The following KCNT2 variants were observed in gnomAD, a reference collection of about 807,000 sequenced individuals.
The protein encoded by KCNT2 is potassium channel subfamily T member 2.
KCNT2 carries 67 observed loss-of-function variants against 153.8 expected under a neutral mutation model. The ratio of observed to expected loss-of-function variants is 0.44; its 90% CI spans 0.36 to 0.53. The LOEUF is 0.53. KCNT2 is among the 20% of genes least tolerant of loss of function. KCNT2 has a pLI of 0.00. For synonymous variants in KCNT2, 500 were observed against 458.8 expected, an observed-to-expected ratio of 1.09 and a Z score of -1.15; for missense variants, 975 against 1,354.8, an observed-to-expected ratio of 0.72 and a Z score of 4.40.
intron 5 of KCNT2, among the ~76,000 whole-genome samples, chr1:196,476,493 C>T (rs565002428): frequency 1.3e-4 from 20 of 152,128 alleles, no homozygotes; most frequent in African/African-American, 4.6e-4. Flanking sequence ...TTAAAAGACC[C>T]TTCTTCATTA....
intron 14 of KCNT2, among the ~76,000 whole-genome samples, chr1:196,365,583 CTATT>C (rs776487706): frequency 1.3e-5 from 2 of 152,090 alleles, no homozygotes; most frequent in African/African-American, 2.4e-5. Flanking sequence ...ATCCTGTTAT[CTATT>C]TGTTTGTTAA....
chr1:196,238,223 C>T (rs1228176241), intron 26 of KCNT2, among the ~76,000 whole-genome samples: 1 of 151,886 alleles, frequency 6.6e-6, no homozygotes, highest in Non-Finnish European at 1.5e-5. Context: ...GTTCTAGAAT[C>T]AAGCCAAATT....
intron 8 of KCNT2, among the ~76,000 whole-genome samples, chr1:196,457,037 G>C (rs1364388261): frequency 2.0e-5 from 3 of 151,760 alleles, no homozygotes; most frequent in Non-Finnish European, 4.4e-5. Flanking sequence ...CAAAAAGTGA[G>C]CTATTTTCCA....
At chr1:196,327,664 T>G (rs1266267363) in intron 18 of KCNT2, among the ~76,000 whole-genome samples, 4 of 146,798 alleles carry the variant, frequency 2.7e-5, no homozygotes, top group Non-Finnish European at 4.5e-5. Context: ...TGGAATATTC[T>G]GATCTTTTTT....
rs532451829 is a variant in KCNT2, at chr1:196,496,448, A to G, written c.96-4107T>C. 1.1e-3 allele frequency among the ~76,000 whole-genome samples: 172 copies of G among 151,154 alleles called. 2 individuals are homozygous for G. The highest frequency in any genetic ancestry group is 2.7e-3 in the African/African-American group (110 of 41,136). On this transcript the variant is annotated intron_variant, in intron 1 of 27. Transcript: ENST00000294725. ...GTGCCACTGCACTCCAGCCTGGGCG[A>G]CAGAGCAAGACTCTGTCTCAAAAAA...
intron 1 of KCNT2, among the ~76,000 whole-genome samples, chr1:196,597,865 T>C (rs143584241): frequency 7.2e-5 from 11 of 152,308 alleles, no homozygotes; most frequent in African/African-American, 2.6e-4. Context: ...TAAGTAGGTG[T>C]AAGTGTTAAG....
At position 196,496,132 on chromosome 1, in the gene KCNT2, G is replaced by C. The variant is rs532328041; in HGVS notation, c.96-3791C>G. Among the ~76,000 whole-genome samples the C allele has an allele frequency of 3.9e-5, 6 of 152,120 alleles. No homozygotes were observed. The South Asian group carries it at 1.2e-3, about 32-fold the overall frequency. The stretch of plus-strand genomic sequence containing the variant: ...ATGTTCTTTAATATTTCTACAGTAA[G>C]ACCTCACTTAATGTCATCCATAGCT... On this transcript the variant is annotated intron_variant, in intron 1 of 27. Transcript: ENST00000294725.
intron 26 of KCNT2, among the ~76,000 whole-genome samples, chr1:196,255,846 G>T (rs1199635793): frequency 6.6e-6 from 1 of 151,004 alleles, no homozygotes; most frequent in Admixed American, 6.6e-5. Flanking sequence ...GATAATAAAT[G>T]CATGAGAATT....
At chr1:196,599,556 CT>C (rs1664476910) in intron 1 of KCNT2, among the ~76,000 whole-genome samples, 1 of 152,180 alleles carries the variant, frequency 6.6e-6, no homozygotes, top group Admixed American at 6.6e-5. Flanking sequence ...GATTCTCACC[CT>C]TTAAAGCCGT....
At chr1:196,386,971 A>C (rs928248806) in intron 13 of KCNT2, among the ~76,000 whole-genome samples, 2 of 152,078 alleles carry the variant, frequency 1.3e-5, no homozygotes, top group African/African-American at 4.8e-5. Context: ...CTTCATGTAA[A>C]CACAGTTTTG....
chr1:196,478,872 T>C (rs1572589245), intron 5 of KCNT2, among the ~76,000 whole-genome samples: 1 of 152,310 alleles, frequency 6.6e-6, no homozygotes, highest in East Asian at 1.9e-4. Flanking sequence ...TCTCAATATT[T>C]TGTGTACAAA....
chr1:196,266,667 G>C (rs1348519452), intron 25 of KCNT2, among the ~76,000 whole-genome samples: 1 of 152,090 alleles, frequency 6.6e-6, no homozygotes. Flanking sequence ...TTTAGAGAAG[G>C]GGTAATAGTC....
rs779848388 is a variant in KCNT2, at chr1:196,398,719, T to A, written c.1186-48A>T. On this transcript the variant is annotated intron_variant, in intron 12 of 27. Coordinates refer to ENST00000294725, the MANE Select transcript of KCNT2 (RefSeq NM_198503.5). ...ATCATAGCATAAGTTACAATGTTTA[T>A]AACATATAAAGTAAAAGTAAGCAAT... is the stretch of plus-strand genomic sequence containing the variant. 1.0e-5 allele frequency: 10 copies of A among 992,180 alleles called. No individual in the cohort carries two copies. The African/African-American group carries it at 1.6e-4, about 16-fold the overall frequency. The allele number at this position is 992,180 out of a possible 1,614,324, so 61.5% of individuals were successfully genotyped here. A position where few individuals can be genotyped will look rare whatever the true frequency, so the allele number is the denominator to read the frequency against.
At chr1:196,267,373 C>T (rs1657646209) in intron 25 of KCNT2, among the ~76,000 whole-genome samples, 1 of 152,180 alleles carries the variant, frequency 6.6e-6, no homozygotes, top group Non-Finnish European at 1.5e-5. Context: ...AAACAATGAC[C>T]TGTCAGTATC....
chr1:196,508,832 G>A (rs1681367683), intron 1 of KCNT2, among the ~76,000 whole-genome samples: 1 of 152,162 alleles, frequency 6.6e-6, no homozygotes, highest in African/African-American at 2.4e-5. Context: ...ATTATCAGTG[G>A]AGTCAGCTGC....
chr1:196,251,158 G>A (rs147947031), intron 26 of KCNT2, among the ~76,000 whole-genome samples: 1 of 152,184 alleles, frequency 6.6e-6, no homozygotes, highest in East Asian at 1.9e-4. Flanking sequence ...GCACTCCCAT[G>A]TTTATTGCAG....
chr1:196,371,040 A>G (rs984228779), intron 14 of KCNT2, among the ~76,000 whole-genome samples: 1 of 151,838 alleles, frequency 6.6e-6, no homozygotes, highest in African/African-American at 2.4e-5. Flanking sequence ...GCAAAACCAA[A>G]TTATTTAAAA....
At chr1:196,565,691 T>C (rs550813466) in intron 1 of KCNT2, among the ~76,000 whole-genome samples, 2 of 151,420 alleles carry the variant, frequency 1.3e-5, no homozygotes, top group African/African-American at 4.8e-5. Context: ...CTAGAGGACA[T>C]GATGTTAAGT....
chr1:196,317,405 A>G (rs1360458341), intron 20 of KCNT2: 1 of 260,680 alleles, frequency 3.8e-6, no homozygotes. Context: ...CAGGAAATTT[A>G]TCATAATTTT....
Sources: allele counts gnomAD v4.1 joint callset (sites outside exome capture counted in the v4.1 genomes callset), GRCh38; gene constraint gnomAD v4.1.1; transcripts MANE v1.5; gene names NCBI Gene and HGNC (gene_info 2026-07-23, HGNC 2026-07-21).